The following PRKG1 variants were observed in gnomAD, a reference collection of about 807,000 sequenced individuals.
PRKG1 encodes cGMP-dependent protein kinase 1.
A neutral mutation model predicts 88.1 loss-of-function variants in PRKG1; 35 were observed. The ratio of observed to expected loss-of-function variants is 0.40; its 90% confidence interval spans 0.30 to 0.53. PRKG1 has a LOEUF of 0.53. Among genes scored for constraint, PRKG1 ranks in the 20% least tolerant of loss-of-function variants. The pLI is 0.59. For synonymous variants in PRKG1, 303 were observed against 292.5 expected (o/e 1.04, Z -0.37); for missense variants, 540 against 839.8 (o/e 0.64, Z 4.41).
At chr10:51,973,934 A>G (rs1843767994) in intron 5 of PRKG1, among the ~76,000 whole-genome samples, 1 of 152,186 alleles carries the variant, frequency 6.6e-6, no homozygotes, top group South Asian at 2.1e-4. Context: ...AGTCAGAAGA[A>G]TATGTTATAA....
intron 4 of PRKG1, among the ~76,000 whole-genome samples, chr10:51,888,094 ATATAC>A (rs1467393912): frequency 6.6e-6 from 1 of 152,212 alleles, no homozygotes; most frequent in Admixed American, 6.5e-5. Context: ...GGAGGTGACT[ATATAC>A]TTAGTACCTT....
At chr10:51,365,199 G>A (rs1163461301) in intron 2 of PRKG1, among the ~76,000 whole-genome samples, 1 of 151,854 alleles carries the variant, frequency 6.6e-6, no homozygotes, top group East Asian at 1.9e-4. Flanking sequence ...ACAGTAAAAT[G>A]CCTGTTGTCA....
At chr10:51,553,868 GTA>G (rs1837212381) in intron 3 of PRKG1, among the ~76,000 whole-genome samples, 1 of 117,822 alleles carries the variant, frequency 8.5e-6, no homozygotes, top group African/African-American at 3.2e-5. Flanking sequence ...TATAATATAT[GTA>G]TGTATTAGAT....
rs1589105551 is a variant in PRKG1 at position 51,011,514 on chromosome 10, A to G, written c.266+19870A>G. On this transcript the variant is annotated intron_variant, in intron 1 of 17. Coordinates refer to the PRKG1 transcript ENST00000401604. Reference sequence around the variant, plus strand: ...TACTTAGAAGTAACCTCATAGAAGCATTTTTGAAAAGATTTAGGATTTGTC... The same window carrying G: ...TACTTAGAAGTAACCTCATAGAAGCGTTTTTGAAAAGATTTAGGATTTGTC... Among the ~76,000 whole-genome samples, 5 of 152,362 alleles carry G rather than the reference A, an allele frequency of 3.3e-5. No homozygotes were observed. In the East Asian group the frequency reaches 9.6e-4, roughly 29 times the overall value.
At chr10:51,748,019 C>T (rs922380899) in intron 3 of PRKG1, among the ~76,000 whole-genome samples, 1 of 152,200 alleles carries the variant, frequency 6.6e-6, no homozygotes, top group African/African-American at 2.4e-5. Flanking sequence ...AGCCAGAACT[C>T]CTGACCTTCA....
intron 2 of PRKG1, among the ~76,000 whole-genome samples, chr10:51,256,207 T>C (rs1237153062): frequency 6.6e-6 from 1 of 152,180 alleles, no homozygotes; most frequent in Non-Finnish European, 1.5e-5. Flanking sequence ...GACCTCTGCT[T>C]CTTAGAACTT....
chr10:51,934,411 A>G (rs1842761399), intron 5 of PRKG1, among the ~76,000 whole-genome samples: 1 of 152,186 alleles, frequency 6.6e-6, no homozygotes, highest in African/African-American at 2.4e-5. Flanking sequence ...TTAACATTTT[A>G]GCTTCACACT....
chr10:51,597,681 G>T (rs1742922710), intron 3 of PRKG1, among the ~76,000 whole-genome samples: 1 of 152,082 alleles, frequency 6.6e-6, no homozygotes, highest in South Asian at 2.1e-4. Flanking sequence ...GGGTCCTGTG[G>T]CAAGAAAATC....
At chr10:51,114,568 C>T (rs1845062550) in intron 1 of PRKG1, among the ~76,000 whole-genome samples, 1 of 151,890 alleles carries the variant, frequency 6.6e-6, no homozygotes, top group South Asian at 2.1e-4. Flanking sequence ...TCAATTATTC[C>T]TTTTTTCAAA....
At chr10:51,326,555 G>C (rs1388040664) in intron 2 of PRKG1, among the ~76,000 whole-genome samples, 2 of 152,302 alleles carry the variant, frequency 1.3e-5, no homozygotes, top group Admixed American at 1.3e-4. Context: ...TTACTCCAGA[G>C]AATATACAAG....
Position 52,156,335 on chromosome 10 carries a change from C to A in PRKG1, c.1002-5554C>A, listed in dbSNP as rs55884400. On this transcript the variant is annotated intron_variant, in intron 8 of 17. Transcript: ENST00000373980. ...TCCTTCTGATAAGCATTCAGCTACT[C>A]ATTACTTCTCACGTTCGTATTATAA... Among the ~76,000 whole-genome samples, 1,485 of 152,056 alleles carry A rather than the reference C, an allele frequency of 9.8e-3. 29 individuals carry two copies. The highest frequency in any genetic ancestry group is 0.034 in the African/African-American group (1,419 of 41,548).
rs1300705859 is a variant in PRKG1 at position 52,103,281 on chromosome 10, AG to A, written c.936-30558del. The stretch of plus-strand genomic sequence containing the variant: ...TTTTAGAGAAAGGAAAAATCAAAAA[AG>A]TCAGACAGAAATTACAATGTATTTC... On this transcript the variant is annotated intron_variant, in intron 7 of 17. Transcript: ENST00000373980. Among the ~76,000 whole-genome samples the A allele has an allele frequency of 7.9e-5, 12 of 152,266 alleles. No homozygotes were observed. In the East Asian group the frequency reaches 2.1e-3, roughly 27 times the overall value.
intron 3 of PRKG1, among the ~76,000 whole-genome samples, chr10:51,700,266 T>G (rs978250606): frequency 6.6e-6 from 1 of 152,214 alleles, no homozygotes; most frequent in African/African-American, 2.4e-5. Flanking sequence ...GGCAGACCCT[T>G]CTAGGTTTTT....
At chr10:52,167,803 C>A (rs948943313) in intron 9 of PRKG1, among the ~76,000 whole-genome samples, 2 of 152,124 alleles carry the variant, frequency 1.3e-5, no homozygotes, top group Admixed American at 6.5e-5. Context: ...GGGATTCATA[C>A]CTAAGCCCTT....
intron 3 of PRKG1, among the ~76,000 whole-genome samples, chr10:51,553,521 A>T (rs866287541): frequency 3.3e-5 from 5 of 151,598 alleles, no homozygotes; most frequent in Middle Eastern, 3.2e-3. Context: ...CTGTATTAGC[A>T]TCCTAAAAAT....
intron 2 of PRKG1, among the ~76,000 whole-genome samples, chr10:51,353,909 T>G (rs1842306991): frequency 7.5e-6 from 1 of 133,054 alleles, no homozygotes; most frequent in Non-Finnish European, 1.6e-5. Context: ...GATGAATGGA[T>G]AAAGACAATG....
At chr10:51,263,233 A>G (rs61849753) in intron 2 of PRKG1, among the ~76,000 whole-genome samples, 2,421 of 152,308 alleles carry the variant, frequency 0.016, 37 homozygotes, top group Middle Eastern at 0.041. Flanking sequence ...CATTGATGCC[A>G]ATTTCCTGAC....
At position 51,899,694 on chromosome 10, in the gene PRKG1, T is replaced by TATAC. The variant is rs1165503542; in HGVS notation, c.699-7812_699-7811insTACA. On this transcript the variant is annotated intron_variant, in intron 4 of 17. Transcript: ENST00000373980. ...ATGTATATATATATATATATATATA[T>TATAC]ACAAATTTCTCAATATCTAACTATC... 5.7e-4 allele frequency among the ~76,000 whole-genome samples: 81 copies of TATAC among 142,790 alleles called. 2 individuals carry two copies. The highest frequency in any genetic ancestry group is 2.0e-3 in the African/African-American group (76 of 38,384). 93.7% of individuals were successfully genotyped at this position (142,790 alleles called of 152,430 possible). A position where few individuals can be genotyped will look rare whatever the true frequency, so the allele number is the denominator to read the frequency against.
chr10:51,052,067 C>T (rs185096183), intron 1 of PRKG1, among the ~76,000 whole-genome samples: 63 of 152,118 alleles, frequency 4.1e-4, no homozygotes, highest in African/African-American at 1.3e-3. Context: ...TGGTTTACAG[C>T]AAAACGCATA....
Sources: gnomAD v4.1 joint callset for allele counts (sites outside exome capture counted in the v4.1 genomes callset) on GRCh38, gnomAD v4.1.1 for gene constraint, MANE v1.5 for transcripts, NCBI Gene and HGNC (gene_info 2026-07-23, HGNC 2026-07-21) for gene names.